The following FGF14 variants were observed in gnomAD, a reference collection of about 807,000 sequenced individuals.
The protein encoded by FGF14 is fibroblast growth factor homologous factor 4.
In FGF14, 5 loss-of-function variants were observed where a neutral mutation model predicts 25.5. The observed-to-expected ratio is 0.20, with a 90% CI of 0.10 to 0.41. The LOEUF is 0.41. Among genes scored for constraint, FGF14 ranks in the 10% least tolerant of loss-of-function variants. The pLI, the probability that FGF14 is intolerant of heterozygous loss-of-function variation, is 1.00. For missense variants in FGF14, 222 were observed against 320.1 expected, an observed-to-expected ratio of 0.69 and a Z score of 2.34; for synonymous variants, 138 against 118.3, an observed-to-expected ratio of 1.17 and a Z score of -1.08.
chr13:101,806,676 T>C (rs1255619374), intron 3 of FGF14, among the ~76,000 whole-genome samples: 1 of 152,118 alleles, frequency 6.6e-6, no homozygotes, highest in African/African-American at 2.4e-5. Context: ...CTTTATGAAA[T>C]TGTGCTATAG....
At chr13:102,176,215 C>T (rs1262252717) in intron 1 of FGF14, among the ~76,000 whole-genome samples, 1 of 152,068 alleles carries the variant, frequency 6.6e-6, no homozygotes, top group African/African-American at 2.4e-5. Flanking sequence ...GGTATTTATA[C>T]ATCATAAAAT....
At chr13:102,399,823 G>A (rs1050615934) in intron 1 of FGF14, among the ~76,000 whole-genome samples, 2 of 151,956 alleles carry the variant, frequency 1.3e-5, no homozygotes, top group Non-Finnish European at 2.9e-5. Context: ...CAGGGAGGAG[G>A]ACTCAGGGCA....
chr13:101,901,662 C>T (rs2031569528), intron 1 of FGF14, among the ~76,000 whole-genome samples: 1 of 152,272 alleles, frequency 6.6e-6, no homozygotes, highest in African/African-American at 2.4e-5. Flanking sequence ...CGAGATCGCA[C>T]CACTGCACTC....
chr13:102,281,759 T>C (rs1332225133), intron 1 of FGF14, among the ~76,000 whole-genome samples: 1 of 151,434 alleles, frequency 6.6e-6, no homozygotes, highest in Non-Finnish European at 1.5e-5. Context: ...CAAAAACATT[T>C]CTCCAGATTT....
intron 1 of FGF14, among the ~76,000 whole-genome samples, chr13:102,376,739 T>C (rs2058049811): frequency 1.3e-5 from 2 of 152,240 alleles, no homozygotes. Context: ...GGATATTAAA[T>C]ATTCAATAGG....
At chr13:102,028,475 T>A (rs1271091094) in intron 1 of FGF14, among the ~76,000 whole-genome samples, 1 of 152,098 alleles carries the variant, frequency 6.6e-6, no homozygotes, top group Non-Finnish European at 1.5e-5. Flanking sequence ...TTCAGAATGA[T>A]GAGAAGCAAG....
At chr13:101,778,524 T>C (rs1360518628) in intron 3 of FGF14, among the ~76,000 whole-genome samples, 2 of 152,168 alleles carry the variant, frequency 1.3e-5, no homozygotes, top group Non-Finnish European at 2.9e-5. Flanking sequence ...GAATGGTCTG[T>C]ACAGTGTGCT....
At position 101,910,709 on chromosome 13, in the gene FGF14, G is replaced by A. The variant is rs372537958; in HGVS notation, c.193+5744C>T. ...ATGGTGACATTTTCATGTGATCTGA[G>A]TTTCTTAAATTGAATGCTGGACCAT... On this transcript the variant is annotated intron_variant, in intron 1 of 4. Coordinates refer to ENST00000376143, the MANE Select transcript of FGF14 (RefSeq NM_004115.4). Among the ~76,000 whole-genome samples, 17 of 152,192 alleles carry A rather than the reference G, an allele frequency of 1.1e-4. No individual in the cohort carries two copies. In the East Asian group the frequency reaches 2.7e-3, roughly 24 times the overall value.
chr13:102,359,095 A>C (rs1402263681), intron 1 of FGF14, among the ~76,000 whole-genome samples: 1 of 152,106 alleles, frequency 6.6e-6, no homozygotes. Flanking sequence ...GCATGTTCTC[A>C]CTTGTAAGTG....
Position 102,000,044 on chromosome 13 carries a change from G to A in FGF14, c.209-124748C>T, listed in dbSNP as rs545258144. 1.4e-4 allele frequency among the ~76,000 whole-genome samples: 22 copies of A among 152,250 alleles called. No individual in the cohort carries two copies. In the South Asian group the frequency reaches 3.3e-3, roughly 23 times the overall value. ...TAAAAAACTCATGTTTGCCGGGCGCGGTGGCTCACGCCTGTAATCCCAGCA... is the reference window on the plus strand; with the variant it reads ...TAAAAAACTCATGTTTGCCGGGCGCAGTGGCTCACGCCTGTAATCCCAGCA... On this transcript the variant is annotated intron_variant, in intron 1 of 4. Transcript: ENST00000376131.
chr13:101,797,768 T>TGCGC (rs1331205881), intron 3 of FGF14, among the ~76,000 whole-genome samples: 14 of 144,468 alleles, frequency 9.7e-5, no homozygotes, highest in African/African-American at 3.8e-4. Context: ...TGTGTGTGTG[T>TGCGC]GTGTGTGTGT....
chr13:102,158,636 A>T lies in FGF14; in HGVS notation c.208+242835T>A, dbSNP rs186277641. The stretch of plus-strand genomic sequence containing the variant: ...GTATACATACGTAACAGACCTGCAC[A>T]TTGTGCACATGTACCCTAAAACTTA... On this transcript the variant is annotated intron_variant, in intron 1 of 4. Transcript: ENST00000376131. 4.6e-5 allele frequency among the ~76,000 whole-genome samples: 7 copies of T among 152,118 alleles called. No homozygotes were observed. In the East Asian group the frequency reaches 1.4e-3, roughly 29 times the overall value.
In FGF14 at chr13:102,099,865, G is replaced by A. The variant is rs1045145507; in HGVS notation, c.209-224569C>T. ...AGGTTTAGTAGGGCCCTAGCAATGG[G>A]ATATTTGATATTCAGGTACATTCAG... On this transcript the variant is annotated intron_variant, in intron 1 of 4. Transcript: ENST00000376131. Among the ~76,000 whole-genome samples the A allele has an allele frequency of 5.3e-5, 8 of 152,210 alleles. 1 individual carries two copies. The highest frequency in any genetic ancestry group is 4.8e-5 in the African/African-American group (2 of 41,538).
intron 1 of FGF14, among the ~76,000 whole-genome samples, chr13:102,054,176 T>G (rs2042332560): frequency 6.6e-6 from 1 of 152,190 alleles, no homozygotes. Context: ...ACTGAGTCAC[T>G]TTTTAAAAAT....
chr13:101,971,022 C>G (rs1216291342), intron 1 of FGF14, among the ~76,000 whole-genome samples: 3 of 152,152 alleles, frequency 2.0e-5, no homozygotes, highest in Non-Finnish European at 4.4e-5. Context: ...GCTGTTTCTT[C>G]TGTTAATCTC....
chr13:102,196,842 C>T (rs1431342061), intron 1 of FGF14, among the ~76,000 whole-genome samples: 1 of 152,132 alleles, frequency 6.6e-6, no homozygotes, highest in East Asian at 1.9e-4. Flanking sequence ...CCTTTCCATC[C>T]ATCCCCCTTT....
chr13:102,114,829 A>T (rs1400091500), intron 1 of FGF14, among the ~76,000 whole-genome samples: 1 of 152,110 alleles, frequency 6.6e-6, no homozygotes, highest in Non-Finnish European at 1.5e-5. Flanking sequence ...GGCTGAGGGA[A>T]GGGGGAGAGG....
intron 3 of FGF14, among the ~76,000 whole-genome samples, chr13:101,812,895 G>C (rs374862015): frequency 1.2e-4 from 18 of 151,656 alleles, no homozygotes; most frequent in Admixed American, 4.6e-4. Context: ...TCGAACTCCT[G>C]ACCTCAGGTG....
At chr13:102,280,671 GC>G (rs1199702644) in intron 1 of FGF14, among the ~76,000 whole-genome samples, 1 of 152,220 alleles carries the variant, frequency 6.6e-6, no homozygotes. Context: ...ACACACCAAT[GC>G]CTTCTTTGAA....
Sources: allele counts gnomAD v4.1 joint callset (sites outside exome capture counted in the v4.1 genomes callset), GRCh38; gene constraint gnomAD v4.1.1; transcripts MANE v1.5; gene names NCBI Gene and HGNC (gene_info 2026-07-23, HGNC 2026-07-21).